RPAP3: variants seen among roughly 807,000 people sequenced by gnomAD.
RPAP3 encodes the protein RNA polymerase II-associated protein 3.
In RPAP3, 58 loss-of-function variants were observed where a neutral mutation model predicts 88.8. The observed-to-expected ratio is 0.65, with a 90% CI of 0.53 to 0.81. The LOEUF (loss-of-function observed/expected upper bound fraction) is 0.81. Among genes scored for constraint, RPAP3 ranks in the 40% least tolerant of loss-of-function variants. The probability of loss-of-function intolerance (pLI) is 0.00; values close to 1 mark genes in which losing one functional copy is unlikely to be tolerated. For synonymous variants in RPAP3, 255 were observed against 259.9 expected (o/e 0.98, Z 0.18); for missense variants, 751 against 764.3 (o/e 0.98, Z 0.20).
chr12:47,682,525 C>T (rs1023421208), intron 9 of RPAP3, among the ~76,000 whole-genome samples: 3 of 151,966 alleles, frequency 2.0e-5, no homozygotes, highest in Non-Finnish European at 2.9e-5. Context: ...TAGCAATAAA[C>T]GTCATAATGT....
At chr12:47,691,530 T>C (rs1939429394) in intron 5 of RPAP3, among the ~76,000 whole-genome samples, 1 of 152,188 alleles carries the variant, frequency 6.6e-6, no homozygotes, top group Admixed American at 6.5e-5. Context: ...TTTGTCCAGA[T>C]CCACTAGAGG....
At chr12:47,697,746 G>C in intron 3 of RPAP3, 27 bp from the exon 4 acceptor site, 1 of 1,517,284 alleles carries the variant, frequency 6.6e-7, no homozygotes, top group South Asian at 1.3e-5. Context: ...GAAAACAGGG[G>C]TCATAATTAT....
chr12:47,696,856 A>G (rs188397632), intron 4 of RPAP3, among the ~76,000 whole-genome samples: 11 of 152,328 alleles, frequency 7.2e-5, no homozygotes, highest in Admixed American at 1.3e-4. Flanking sequence ...ACAGTAAGCT[A>G]TTAGTAGTTA....
intron 12 of RPAP3, among the ~76,000 whole-genome samples, chr12:47,675,526 C>T (rs571363473): frequency 4.6e-5 from 7 of 152,184 alleles, no homozygotes; most frequent in African/African-American, 1.4e-4. Flanking sequence ...CGCACATAGG[C>T]TCAAAATAAA....
intron 5 of RPAP3, among the ~76,000 whole-genome samples, chr12:47,692,302 C>T (rs73104138): frequency 0.06 from 9,179 of 152,298 alleles, 352 homozygotes; most frequent in Middle Eastern, 0.12. Flanking sequence ...TAACAGAAGG[C>T]TGTTTAGTCA....
rs1939413254 is a variant in RPAP3 at position 47,690,767 on chromosome 12, TGC to T, written c.546-130_546-129del. 7 of 553,518 alleles carry T rather than the reference TGC, an allele frequency of 1.3e-5. No homozygotes were observed. The African/African-American group carries it at 1.3e-4, about 11-fold the overall frequency. The allele number at this position is 553,518 out of a possible 1,614,324, so 34.3% of individuals were successfully genotyped here. On this transcript the variant is annotated intron_variant, in intron 5 of 16. Transcript: ENST00000005386. The stretch of plus-strand genomic sequence containing the variant: ...ACCCACTGAAGGCATTTTTCCCACC[TGC>T]TTTCAGTTAATTAAGCATAATAAAA...
chr12:47,663,543 T>G lies in RPAP3; in HGVS notation c.1960A>C (p.Ser654Arg). ...NHIDKSGLKD[S>R]SVEELKKRYG... ...CTTTTCTTGAGTTCTTCGACAGAAC[T>G]ATCCTTCAATCCTGACTTGTCTATG... is the stretch of plus-strand genomic sequence containing the variant. Residue 654 changes from serine (S) to arginine (R), a missense_variant, in exon 17 of 17, where the codon AGT becomes CGT. Transcript: ENST00000005386. 5 of 1,592,402 alleles carry G rather than the reference T, an allele frequency of 3.1e-6. No individual in the cohort carries two copies. In the East Asian group the frequency reaches 1.1e-4, roughly 36 times the overall value.
At chr12:47,663,820 G>T (rs1196137646) in intron 16 of RPAP3, among the ~76,000 whole-genome samples, 9 of 152,174 alleles carry the variant, frequency 5.9e-5, no homozygotes, top group Admixed American at 5.9e-4. Flanking sequence ...TATAAAATTT[G>T]CCCTGCATTC....
At chr12:47,697,562 T>C in intron 4 of RPAP3, 35 bp downstream of exon 4, 1 of 1,568,282 alleles carries the variant, frequency 6.4e-7, no homozygotes. Context: ...ATCTCCTGCT[T>C]ACATGAAAAA....
chr12:47,663,605 G>A lies in RPAP3; in HGVS notation c.1913-15C>T. ...TGCACGTGCAACTGAAAAAGAAAAA[G>A]AAATTCTCCATTTTAATCTCATTTT... is the stretch of plus-strand genomic sequence containing the variant. On this transcript the variant is annotated splice_polypyrimidine_tract_variant and intron_variant, in intron 16 of 16. Transcript: ENST00000005386. 2 of 1,438,400 alleles carry A rather than the reference G, an allele frequency of 1.4e-6. No individual in the cohort carries two copies. The highest frequency in any genetic ancestry group is 1.9e-6 in the Non-Finnish European group (2 of 1,058,206). 89.1% of individuals were successfully genotyped at this position (1,438,400 alleles called of 1,614,324 possible). A position where few individuals can be genotyped will look rare whatever the true frequency, so the allele number is the denominator to read the frequency against.
chr12:47,693,263 G>C (rs925278267), intron 5 of RPAP3, among the ~76,000 whole-genome samples: 2 of 152,070 alleles, frequency 1.3e-5, no homozygotes, highest in African/African-American at 4.8e-5. Flanking sequence ...GGAGAGAGAT[G>C]GGGGGTCGGG....
chr12:47,679,105 T>G (rs1171088148), intron 12 of RPAP3, among the ~76,000 whole-genome samples: 1 of 152,178 alleles, frequency 6.6e-6, no homozygotes, highest in Non-Finnish European at 1.5e-5. Flanking sequence ...TGCAGGGACA[T>G]GGATGAAGCT....
chr12:47,687,878 G>T lies in RPAP3; in HGVS notation c.862C>A (p.Arg288=), dbSNP rs774819368. 3.7e-6 allele frequency: 6 copies of T among 1,612,374 alleles called. No individual in the cohort carries two copies. In the Admixed American group the frequency reaches 8.4e-5, roughly 22 times the overall value. ...NKQQAISEKD[R]GNGFFKEGKY... ...ACGTTGGAATAGCTTTGGATTACCCGATCTTTCTCTGAAATGGCCTGCTGC... is the reference window on the plus strand; with the variant it reads ...ACGTTGGAATAGCTTTGGATTACCCTATCTTTCTCTGAAATGGCCTGCTGC... The change falls in exon 8 of 17, where the codon CGG becomes AGG. Residue 288 remains arginine, a splice_region_variant and synonymous_variant. Transcript: ENST00000005386.
intron 13 of RPAP3, among the ~76,000 whole-genome samples, chr12:47,669,355 T>G (rs1938948672): frequency 6.6e-6 from 1 of 152,198 alleles, no homozygotes; most frequent in Non-Finnish European, 1.5e-5. Context: ...CCTATCCACC[T>G]TTTGAGTATA....
chr12:47,675,220 C>G (rs561337566), intron 12 of RPAP3, among the ~76,000 whole-genome samples: 1 of 152,186 alleles, frequency 6.6e-6, no homozygotes, highest in Non-Finnish European at 1.5e-5. Flanking sequence ...CACCACCCGG[C>G]TTGCCTTACA....
At chr12:47,675,769 G>A (rs1167195815) in intron 12 of RPAP3, among the ~76,000 whole-genome samples, 2 of 152,122 alleles carry the variant, frequency 1.3e-5, no homozygotes, top group Non-Finnish European at 2.9e-5. Context: ...CCTACAAAGA[G>A]ACTTAGACTC....
At position 47,688,000 on chromosome 12, in the gene RPAP3, G is replaced by C. The variant is rs771116418; in HGVS notation, c.740C>G (p.Ala247Gly). ...ATNELRKISQ[A>G]LASKENSYPK... ...ATATGAGTTTTCTTTGGATGCTAAAGCCTAGGAGACATAGCAGTCAGCTAA... is the reference window on the plus strand; with the variant it reads ...ATATGAGTTTTCTTTGGATGCTAAACCCTAGGAGACATAGCAGTCAGCTAA... The change falls in exon 8 of 17, where the codon GCT becomes GGT. Residue 247 changes from alanine (A) to glycine (G), a missense_variant and splice_region_variant. Ala to Gly is a moderately conservative substitution (Grantham distance 60). Coordinates refer to ENST00000005386, the MANE Select transcript of RPAP3 (RefSeq NM_024604.3). 6.2e-7 allele frequency: 1 copy of C among 1,608,800 alleles called. No homozygotes were observed. Among genetic ancestry groups the C allele is most frequent in the Non-Finnish European group, 8.5e-7 (1 of 1,177,630 alleles).
At chr12:47,666,667 G>A (rs944338046) in intron 16 of RPAP3, among the ~76,000 whole-genome samples, 3 of 152,100 alleles carry the variant, frequency 2.0e-5, no homozygotes, top group Non-Finnish European at 4.4e-5. Context: ...TCGAATCCTA[G>A]GTCTGGCTTC....
intron 12 of RPAP3, among the ~76,000 whole-genome samples, chr12:47,678,671 G>T (rs1320953267): frequency 2.0e-5 from 3 of 152,236 alleles, no homozygotes; most frequent in African/African-American, 7.2e-5. Context: ...CTGGCCATCA[G>T]AGAAATGCAA....
Sources: gnomAD v4.1 joint callset for allele counts (sites outside exome capture counted in the v4.1 genomes callset) on GRCh38, gnomAD v4.1.1 for gene constraint, MANE v1.5 for transcripts, NCBI Gene and HGNC (gene_info 2026-07-23, HGNC 2026-07-21) for gene names.